The following ANXA8 variants were observed in gnomAD, a reference collection of about 807,000 sequenced individuals.
The protein encoded by ANXA8 is annexin A8, also known as VAC-beta.
In ANXA8, 9 loss-of-function variants were observed where a neutral mutation model predicts 26.8. That is an observed-to-expected ratio of 0.34 (90% confidence interval 0.20 to 0.59). The LOEUF (loss-of-function observed/expected upper bound fraction) is 0.59, where lower values mean the gene tolerates loss of function less well. Among genes scored for constraint, ANXA8 ranks in the 20% least tolerant of loss-of-function variants. The pLI is 0.84. For missense variants in ANXA8, 83 were observed against 238.5 expected, an observed-to-expected ratio of 0.35 and a Z score of 4.29; for synonymous variants, 39 against 94.8, an observed-to-expected ratio of 0.41 and a Z score of 3.42.
At chr10:47,577,055 C>T in the ANXA8 span, among the ~76,000 whole-genome samples, 2 of 146,266 alleles carry the variant, frequency 1.4e-5, no homozygotes, top group African/African-American at 2.6e-5. Flanking sequence ...TCAGAAATCA[C>T]GGAGTATAGA....
At chr10:47,657,612 T>C in the ANXA8 span, among the ~76,000 whole-genome samples, 1 of 151,124 alleles carries the variant, frequency 6.6e-6, no homozygotes, top group Non-Finnish European at 1.5e-5. Context: ...ATCTGGCACA[T>C]GGAAAGTTCT....
chr10:47,920,735 C>G, the ANXA8 span: 4 of 145,538 alleles, frequency 2.7e-5, no homozygotes, highest in African/African-American at 1.0e-4. Flanking sequence ...TTGTTAAATA[C>G]AGATTCCTGG....
chr10:47,982,447 G>T, the ANXA8 span, among the ~76,000 whole-genome samples: 1 of 148,740 alleles, frequency 6.7e-6, no homozygotes, highest in Non-Finnish European at 1.5e-5. Flanking sequence ...TTTTGACAAA[G>T]GTGTCAAGAC....
chr10:47,489,314 T>A, the ANXA8 span, among the ~76,000 whole-genome samples: 2 of 146,080 alleles, frequency 1.4e-5, no homozygotes, highest in Non-Finnish European at 1.5e-5. Context: ...CACCGCACCC[T>A]GCCATGTTAA....
the ANXA8 span, among the ~76,000 whole-genome samples, chr10:47,499,170 C>T: frequency 7.4e-6 from 1 of 135,366 alleles, no homozygotes; most frequent in East Asian, 2.6e-4. Context: ...ATTGTTGGAA[C>T]TGGGATTAAT....
At chr10:47,732,745 G>A in the ANXA8 span, among the ~76,000 whole-genome samples, 6 of 147,760 alleles carry the variant, frequency 4.1e-5, no homozygotes, top group Non-Finnish European at 9.0e-5. Flanking sequence ...TTTTTGGTTG[G>A]GGGAAAGGGG....
At chr10:47,682,065 C>T in the ANXA8 span, among the ~76,000 whole-genome samples, 1 of 150,940 alleles carries the variant, frequency 6.6e-6, no homozygotes, top group African/African-American at 2.5e-5. Context: ...CCCTTAGTTG[C>T]CAAACATGGG....
the ANXA8 span, among the ~76,000 whole-genome samples, chr10:47,506,380 G>C: frequency 1.7e-4 from 23 of 136,402 alleles, no homozygotes; most frequent in East Asian, 1.2e-3. Flanking sequence ...ACCCAGGCTG[G>C]GGTGCAATGG....
chr10:47,743,317 T>TATATAC, the ANXA8 span, among the ~76,000 whole-genome samples: 4 of 40,900 alleles, frequency 9.8e-5, no homozygotes, highest in East Asian at 3.0e-3. Flanking sequence ...TATATACACA[T>TATATAC]ATATATATAT....
At chr10:47,980,396 C>G in the ANXA8 span, among the ~76,000 whole-genome samples, 1 of 150,064 alleles carries the variant, frequency 6.7e-6, no homozygotes, top group East Asian at 1.9e-4. Context: ...CCAAAGCAAG[C>G]AGAAAGAAGA....
the ANXA8 span, among the ~76,000 whole-genome samples, chr10:47,567,502 G>A: frequency 1.5e-3 from 217 of 147,962 alleles, 2 homozygotes; most frequent in South Asian, 3.5e-3. Flanking sequence ...GGAGGCGCCC[G>A]CCCCACCCCA....
the ANXA8 span, among the ~76,000 whole-genome samples, chr10:47,612,748 C>G: frequency 2.7e-5 from 2 of 73,482 alleles, 1 homozygote; most frequent in East Asian, 5.3e-4. Context: ...GAAGATAGAC[C>G]TGAGCTAGCA....
chr10:47,720,522 ACTGCTAAT>A, the ANXA8 span, among the ~76,000 whole-genome samples: 3 of 146,684 alleles, frequency 2.0e-5, no homozygotes, highest in Non-Finnish European at 3.0e-5. Flanking sequence ...GTATGGTAAA[ACTGCTAAT>A]CAGCTCAGTG....
the ANXA8 span, among the ~76,000 whole-genome samples, chr10:47,651,281 C>G: frequency 7.4e-6 from 1 of 135,452 alleles, no homozygotes; most frequent in Non-Finnish European, 1.6e-5. Context: ...TAAAAAAAAT[C>G]TCAAAAAAAA....
chr10:47,636,882 CATTCATTCTCAAGAAGAGGT>C, the ANXA8 span, among the ~76,000 whole-genome samples: 1 of 150,604 alleles, frequency 6.6e-6, no homozygotes, highest in East Asian at 2.0e-4. Flanking sequence ...TATAGCCACT[CATTCATTCTCAAGAAGAGGT>C]ATTTGTCCAT....
chr10:47,960,516 C>A, the ANXA8 span, among the ~76,000 whole-genome samples: 2 of 149,970 alleles, frequency 1.3e-5, no homozygotes, highest in African/African-American at 5.0e-5. Context: ...AAGATGCTTT[C>A]TGAGCATTGC....
chr10:47,950,671 A>C, the ANXA8 span, among the ~76,000 whole-genome samples: 1 of 150,736 alleles, frequency 6.6e-6, no homozygotes, highest in Non-Finnish European at 1.5e-5. Flanking sequence ...AGTTAATAGC[A>C]GAAGGATATC....
chr10:47,944,608 C>T, the ANXA8 span, among the ~76,000 whole-genome samples: 3 of 150,406 alleles, frequency 2.0e-5, no homozygotes, highest in Non-Finnish European at 2.9e-5. Context: ...CCATACTGTT[C>T]TCGTGATGCT....
At chr10:47,591,130 C>G in the ANXA8 span, among the ~76,000 whole-genome samples, 2 of 145,358 alleles carry the variant, frequency 1.4e-5, no homozygotes, top group African/African-American at 2.8e-5. Context: ...CAAATCCTCT[C>G]TCCTCTAATG....
Sources: gnomAD v4.1 joint callset for allele counts (sites outside exome capture counted in the v4.1 genomes callset) on GRCh38, gnomAD v4.1.1 for gene constraint, MANE v1.5 for transcripts, NCBI Gene and HGNC (gene_info 2026-07-23, HGNC 2026-07-21) for gene names.